The following KCNIP1 variants were observed in gnomAD, a reference collection of about 807,000 sequenced individuals.
KCNIP1 encodes the protein potassium voltage-gated channel interacting protein 1.
In KCNIP1, 18 loss-of-function variants were observed where a neutral mutation model predicts 33.0. The observed-to-expected ratio is 0.55, with a 90% CI of 0.38 to 0.81. The LOEUF (loss-of-function observed/expected upper bound fraction) is 0.81. Among genes scored for constraint, KCNIP1 ranks in the 30% least tolerant of loss-of-function variants. KCNIP1 has a pLI of 0.00. For missense variants in KCNIP1, 238 were observed against 271.6 expected, an observed-to-expected ratio of 0.88 and a Z score of 0.87; for synonymous variants, 93 against 98.3, an observed-to-expected ratio of 0.95 and a Z score of 0.32.
At chr5:170,399,918 T>A (rs1754856054) in intron 1 of KCNIP1, among the ~76,000 whole-genome samples, 1 of 152,256 alleles carries the variant, frequency 6.6e-6, no homozygotes, top group Non-Finnish European at 1.5e-5. Context: ...AAAAGCATGA[T>A]CAGAGCCAAA....
chr5:170,681,525 T>G (rs1762349838), intron 1 of KCNIP1: 1 of 176,892 alleles, frequency 5.7e-6, no homozygotes, highest in Non-Finnish European at 1.2e-5. Context: ...CTACGTATAT[T>G]GTTGATGGAA....
chr5:170,707,456 T>G (rs6877532), intron 1 of KCNIP1, among the ~76,000 whole-genome samples: 34,210 of 152,170 alleles, frequency 0.22, 5,233 homozygotes, highest in East Asian at 0.81. Flanking sequence ...TTCTTCAATC[T>G]TGGAAAATAT....
intron 1 of KCNIP1, among the ~76,000 whole-genome samples, chr5:170,382,156 G>T (rs1764269463): frequency 6.6e-6 from 1 of 152,072 alleles, no homozygotes; most frequent in Admixed American, 6.6e-5. Context: ...CTAGTAACTG[G>T]ACCCACACAC....
chr5:170,598,917 G>A (rs1170083132), intron 1 of KCNIP1, among the ~76,000 whole-genome samples: 1 of 150,466 alleles, frequency 6.6e-6, no homozygotes, highest in Non-Finnish European at 1.5e-5. Context: ...GTGTGTGTGT[G>A]TGTGTGTGTG....
intron 1 of KCNIP1, among the ~76,000 whole-genome samples, chr5:170,395,513 C>T (rs909426696): frequency 1.3e-5 from 2 of 152,368 alleles, no homozygotes; most frequent in African/African-American, 2.4e-5. Context: ...GAGTCCGCCT[C>T]TGCTATGGGC....
chr5:170,708,582 G>T (rs1418113026), intron 1 of KCNIP1, among the ~76,000 whole-genome samples: 1 of 152,182 alleles, frequency 6.6e-6, no homozygotes, highest in Admixed American at 6.5e-5. Flanking sequence ...TTACCATGAG[G>T]TTGCTTTTTT....
chr5:170,436,527 C>A (rs1013249420), intron 1 of KCNIP1, among the ~76,000 whole-genome samples: 39 of 152,344 alleles, frequency 2.6e-4, no homozygotes, highest in African/African-American at 8.7e-4. Flanking sequence ...AACACGGAAA[C>A]CCCGAGAGCT....
chr5:170,480,468 G>C (rs1191354233), intron 1 of KCNIP1, among the ~76,000 whole-genome samples: 2 of 145,390 alleles, frequency 1.4e-5, no homozygotes, highest in Admixed American at 1.4e-4. Flanking sequence ...TCTCCTAGGA[G>C]ACTAGGGATT....
intron 1 of KCNIP1, among the ~76,000 whole-genome samples, chr5:170,449,636 G>A (rs1254879895): frequency 6.6e-6 from 1 of 152,208 alleles, no homozygotes; most frequent in Non-Finnish European, 1.5e-5. Flanking sequence ...CTATTGTGCT[G>A]ATACAATACA....
chr5:170,650,386 G>T, intron 1 of KCNIP1, among the ~76,000 whole-genome samples: 1 of 151,946 alleles, frequency 6.6e-6, no homozygotes, highest in East Asian at 1.9e-4. Flanking sequence ...TCAGTAGAGA[G>T]TAGTTTGCAT....
chr5:170,465,161 C>T (rs1756582672), intron 1 of KCNIP1, among the ~76,000 whole-genome samples: 1 of 152,188 alleles, frequency 6.6e-6, no homozygotes, highest in Non-Finnish European at 1.5e-5. Flanking sequence ...TAACATGCTA[C>T]AGTTTGTGAG....
intron 1 of KCNIP1, among the ~76,000 whole-genome samples, chr5:170,494,720 C>T (rs988684112): frequency 6.6e-6 from 1 of 152,202 alleles, no homozygotes; most frequent in African/African-American, 2.4e-5. Flanking sequence ...ATGACAGGCT[C>T]CCCGTCCCCT....
At chr5:170,567,983 G>A (rs867244392) in intron 1 of KCNIP1, among the ~76,000 whole-genome samples, 4 of 152,150 alleles carry the variant, frequency 2.6e-5, no homozygotes, top group Admixed American at 2.0e-4. Flanking sequence ...CACGGGCTAC[G>A]GAGCCAGGTC....
chr5:170,633,180 T>A (rs1269015201), intron 1 of KCNIP1, among the ~76,000 whole-genome samples: 1 of 151,846 alleles, frequency 6.6e-6, no homozygotes, highest in African/African-American at 2.4e-5. Context: ...TTGGGCGGTG[T>A]GGGGCGCCAC....
intron 1 of KCNIP1, among the ~76,000 whole-genome samples, chr5:170,496,020 G>GGGCATGCTCATCGGCTCATCACT (rs2113211998): frequency 1.3e-5 from 2 of 152,274 alleles, no homozygotes; most frequent in East Asian, 3.9e-4. Flanking sequence ...GCAGGGTCAG[G>GGGCATGCTCATCGGCTCATCACT]GGCATGCTCA....
At chr5:170,589,710 T>TTGGTG (rs879743726) in intron 1 of KCNIP1, among the ~76,000 whole-genome samples, 1 of 136,000 alleles carries the variant, frequency 7.4e-6, no homozygotes, top group East Asian at 2.3e-4. Context: ...TCTGTTTGGT[T>TTGGTG]TGGTGTGGTG....
intron 1 of KCNIP1, among the ~76,000 whole-genome samples, chr5:170,441,769 G>A (rs557204108): frequency 4.6e-5 from 7 of 152,094 alleles, no homozygotes; most frequent in African/African-American, 1.4e-4. Flanking sequence ...GGCCAACACA[G>A]TGAAGCCCCG....
intron 1 of KCNIP1, among the ~76,000 whole-genome samples, chr5:170,571,388 C>A (rs1460735248): frequency 1.3e-5 from 2 of 152,360 alleles, no homozygotes; most frequent in African/African-American, 4.8e-5. Context: ...TCCAGTTCCT[C>A]CAGCACCTTT....
At position 170,680,071 on chromosome 5, in the gene KCNIP1, C is replaced by T. The variant is rs551428525; in HGVS notation, c.62-38687C>T. 3.3e-5 allele frequency among the ~76,000 whole-genome samples: 5 copies of T among 152,264 alleles called. No homozygotes were observed. The South Asian group carries it at 8.3e-4, about 25-fold the overall frequency. On this transcript the variant is annotated intron_variant, in intron 1 of 7. Transcript: ENST00000328939. ...CACAGTGTTGTCAATATAGTGTATT[C>T]TCAAAATCTGACACCAATATGTGTG... is the stretch of plus-strand genomic sequence containing the variant.
Sources: gnomAD v4.1 joint callset for allele counts (sites outside exome capture counted in the v4.1 genomes callset) on GRCh38, gnomAD v4.1.1 for gene constraint, MANE v1.5 for transcripts, NCBI Gene and HGNC (gene_info 2026-07-23, HGNC 2026-07-21) for gene names.